The following TASP1 variants were observed in gnomAD, a reference collection of about 807,000 sequenced individuals.
The protein encoded by TASP1 is threonine aspartase 1.
A neutral mutation model predicts 56.6 loss-of-function variants in TASP1; 16 were observed. The ratio of observed to expected loss-of-function variants is 0.28; its 90% CI spans 0.19 to 0.43. The LOEUF is 0.43. Among genes scored for constraint, TASP1 ranks in the 20% least tolerant of loss-of-function variants. TASP1 has a pLI of 1.00. For synonymous variants in TASP1, 179 were observed against 184.2 expected (o/e 0.97, Z 0.23); for missense variants, 393 against 511.6 (o/e 0.77, Z 2.24).
At chr20:13,505,548 G>A (rs2044099283) in intron 10 of TASP1, among the ~76,000 whole-genome samples, 1 of 151,916 alleles carries the variant, frequency 6.6e-6, no homozygotes, top group Non-Finnish European at 1.5e-5. Flanking sequence ...ACAAATTTAA[G>A]AACATTGAAA....
At chr20:13,535,998 A>C (rs1182696499) in intron 8 of TASP1, among the ~76,000 whole-genome samples, 1 of 152,216 alleles carries the variant, frequency 6.6e-6, no homozygotes, top group Non-Finnish European at 1.5e-5. Context: ...TCTTAAAGAG[A>C]AATATACTTT....
chr20:13,308,283 T>C, the TASP1 span, among the ~76,000 whole-genome samples: 1 of 152,196 alleles, frequency 6.6e-6, no homozygotes, highest in South Asian at 2.1e-4. Flanking sequence ...ATGCTTGTAA[T>C]ACAATGTAAA....
At chr20:13,340,065 T>C in the TASP1 span, among the ~76,000 whole-genome samples, 1 of 152,058 alleles carries the variant, frequency 6.6e-6, no homozygotes, top group Non-Finnish European at 1.5e-5. Flanking sequence ...AAAAGGCCAA[T>C]ACTATCCAGC....
rs73899349 is a variant in TASP1 at position 13,608,321 on chromosome 20, T to C, written c.282+15125A>G. Among the ~76,000 whole-genome samples the C allele has an allele frequency of 9.9e-3, 1,504 of 152,296 alleles. 28 individuals carry two copies. Among genetic ancestry groups the C allele is most frequent in the African/African-American group, 0.034 (1,395 of 41,560 alleles). ...GAATTTTTTTTTGTTTAGTTGCCAATTAAGCTCAAATTTTCAAGAATTGGA... is the reference window on the plus strand; with the variant it reads ...GAATTTTTTTTTGTTTAGTTGCCAACTAAGCTCAAATTTTCAAGAATTGGA... On this transcript the variant is annotated intron_variant, in intron 4 of 13. Transcript: ENST00000337743.
the TASP1 span, among the ~76,000 whole-genome samples, chr20:13,252,566 C>A: frequency 6.6e-6 from 1 of 152,152 alleles, no homozygotes; most frequent in Non-Finnish European, 1.5e-5. Flanking sequence ...GCCTGACCAA[C>A]ATGGTGAAAC....
At chr20:13,616,784 G>A in intron 4 of TASP1, 1 of 229,122 alleles carries the variant, frequency 4.4e-6, no homozygotes, top group Non-Finnish European at 8.8e-6. Context: ...TAAGTTACAA[G>A]TTGCCCCTTA....
the TASP1 span, among the ~76,000 whole-genome samples, chr20:13,257,905 G>C: frequency 6.6e-6 from 1 of 152,048 alleles, no homozygotes; most frequent in Non-Finnish European, 1.5e-5. Flanking sequence ...GTTCTAACCA[G>C]CTCCAGGGTA....
chr20:13,590,487 A>C lies in TASP1; in HGVS notation c.283-3117T>G, dbSNP rs1000929857. ...GCAAACAATTTTAATGTTAGCTAAC[A>C]ATGTTAAACTCGATCATATAAACAT... On this transcript the variant is annotated intron_variant, in intron 4 of 13. Coordinates refer to ENST00000337743, the MANE Select transcript of TASP1 (RefSeq NM_017714.3). 2.6e-5 allele frequency among the ~76,000 whole-genome samples: 4 copies of C among 152,358 alleles called. No individual in the cohort carries two copies. The South Asian group carries it at 8.3e-4, about 32-fold the overall frequency.
the TASP1 span, among the ~76,000 whole-genome samples, chr20:13,191,548 A>G: frequency 6.6e-6 from 1 of 152,220 alleles, no homozygotes; most frequent in Non-Finnish European, 1.5e-5. Flanking sequence ...TTGGTTACAT[A>G]GAAGTAGAGA....
chr20:13,442,746 C>A (rs973013571), intron 11 of TASP1, among the ~76,000 whole-genome samples: 1 of 151,906 alleles, frequency 6.6e-6, no homozygotes, highest in African/African-American at 2.4e-5. Context: ...ACCATGCAAG[C>A]TTATATCAGT....
chr20:13,258,052 C>G, the TASP1 span, among the ~76,000 whole-genome samples: 1 of 152,042 alleles, frequency 6.6e-6, no homozygotes, highest in South Asian at 2.1e-4. Flanking sequence ...GTCATGAGAC[C>G]AGATTTAATG....
the TASP1 span, among the ~76,000 whole-genome samples, chr20:13,296,875 G>A: frequency 0.038 from 5,736 of 152,058 alleles, 364 homozygotes; most frequent in African/African-American, 0.13. Flanking sequence ...AAAATTAGTC[G>A]GGCAGAGTGG....
chr20:13,115,913 C>T, the TASP1 span, among the ~76,000 whole-genome samples: 14 of 152,302 alleles, frequency 9.2e-5, no homozygotes, highest in South Asian at 2.5e-3. Flanking sequence ...CCCAAGCTCA[C>T]AGTTAGTAAG....
At chr20:13,107,597 GA>G in the TASP1 span, among the ~76,000 whole-genome samples, 1 of 151,772 alleles carries the variant, frequency 6.6e-6, no homozygotes, top group Non-Finnish European at 1.5e-5. Context: ...GATAAAAAGA[GA>G]AAAAAACAAA....
At chr20:13,537,088 T>C (rs932381127) in intron 8 of TASP1, among the ~76,000 whole-genome samples, 4 of 152,286 alleles carry the variant, frequency 2.6e-5, no homozygotes, top group East Asian at 1.9e-4. Flanking sequence ...AAGTAACGTA[T>C]ACACAATGCT....
the TASP1 span, among the ~76,000 whole-genome samples, chr20:13,137,075 C>T: frequency 1.3e-5 from 2 of 151,956 alleles, no homozygotes; most frequent in Non-Finnish European, 2.9e-5. Context: ...AGAGCTAAGT[C>T]CCCCAATCAT....
chr20:13,167,422 A>G, the TASP1 span: 38 of 152,264 alleles, frequency 2.5e-4, no homozygotes, highest in African/African-American at 8.9e-4. Flanking sequence ...CTATAATGTT[A>G]TGCGCACTCA....
At chr20:13,307,234 T>G in the TASP1 span, among the ~76,000 whole-genome samples, 3 of 152,226 alleles carry the variant, frequency 2.0e-5, no homozygotes, top group Non-Finnish European at 4.4e-5. Flanking sequence ...GACCCTCTTA[T>G]AGCCAATTGG....
the TASP1 span, among the ~76,000 whole-genome samples, chr20:13,325,144 C>T: frequency 6.6e-6 from 1 of 152,194 alleles, no homozygotes; most frequent in Non-Finnish European, 1.5e-5. Flanking sequence ...AGGGTGCCCA[C>T]AGGACAGCCC....
Sources: allele counts gnomAD v4.1 joint callset (sites outside exome capture counted in the v4.1 genomes callset), GRCh38; gene constraint gnomAD v4.1.1; transcripts MANE v1.5; gene names NCBI Gene and HGNC (gene_info 2026-07-23, HGNC 2026-07-21).